Variants in KIAA0930 observed in about 807,000 individuals in gnomAD.
KIAA0930 encodes uncharacterized protein KIAA0930.
A neutral mutation model predicts 43.9 loss-of-function variants in KIAA0930; 24 were observed. That is an observed-to-expected ratio of 0.55 (90% CI 0.40 to 0.77). The LOEUF (loss-of-function observed/expected upper bound fraction) is 0.77, where lower values mean the gene tolerates loss of function less well. KIAA0930 is among the 30% of genes least tolerant of loss of function. KIAA0930 has a pLI of 0.00. For synonymous variants in KIAA0930, 259 were observed against 216.4 expected, an observed-to-expected ratio of 1.20 and a Z score of -1.73; for missense variants, 461 against 574.2, an observed-to-expected ratio of 0.80 and a Z score of 2.02.
intron 5 of KIAA0930, 79 bp from the exon 6 acceptor site, chr22:45,204,064 G>T: frequency 1.3e-6 from 2 of 1,585,736 alleles, no homozygotes; most frequent in South Asian, 2.3e-5. Flanking sequence ...AACTGGCAGG[G>T]AGGGCTGCTC....
In KIAA0930 at chr22:45,205,669, A is replaced by C; in HGVS notation, c.375T>G (p.Ala125=). Residue 125 remains alanine (A), a synonymous_variant, in exon 4 of 10, where the codon GCT becomes GCG. Coordinates refer to ENST00000336156, the MANE Select transcript of KIAA0930 (RefSeq NM_001009880.2). ...TATGGATGTGAATGTCCCCGCCGTCAGCACGTGTGCACACCGCACAGGTCA... is the reference window on the plus strand; with the variant it reads ...TATGGATGTGAATGTCCCCGCCGTCCGCACGTGTGCACACCGCACAGGTCA... ...YMVTCAVCTR[A]DGGDIHIHKK... is the part of the protein sequence containing the mutation. 6.2e-7 allele frequency: 1 copy of C among 1,614,154 alleles called. No homozygotes were observed. Among genetic ancestry groups the C allele is most frequent in the Non-Finnish European group, 8.5e-7 (1 of 1,180,034 alleles).
intron 1 of KIAA0930, among the ~76,000 whole-genome samples, chr22:45,223,782 C>T (rs1051302548): frequency 6.7e-6 from 1 of 150,162 alleles, no homozygotes; most frequent in Non-Finnish European, 1.5e-5. Flanking sequence ...CAGATAAGCA[C>T]CCAGGGTCAG....
At chr22:45,203,244 T>G in intron 6 of KIAA0930, 60 bp from the exon 7 acceptor site, 15 of 1,473,056 alleles carry the variant, frequency 1.0e-5, no homozygotes, top group Non-Finnish European at 1.4e-5. Flanking sequence ...ATGGGGCCCC[T>G]CCCCAGGACA....
chr22:45,193,361 C>T lies in KIAA0930; in HGVS notation c.*3815G>A, dbSNP rs2083506974. On this transcript the variant is annotated 3_prime_UTR_variant, in exon 10 of 10. Coordinates refer to ENST00000336156, the MANE Select transcript of KIAA0930 (RefSeq NM_001009880.2). ...ACAACTTAAAACCACCATATTAGGACATGGTCCAGGCAGTCATTAGAATAT... is the reference window on the plus strand; with the variant it reads ...ACAACTTAAAACCACCATATTAGGATATGGTCCAGGCAGTCATTAGAATAT... The T allele has an allele frequency of 6.6e-6, 1 of 152,196 alleles. No homozygotes were observed. Among genetic ancestry groups the T allele is most frequent in the Admixed American group, 6.5e-5 (1 of 15,280 alleles). 9.4% of individuals were successfully genotyped at this position (152,196 alleles called of 1,614,324 possible).
chr22:45,227,130 C>T (rs560876260), intron 1 of KIAA0930, among the ~76,000 whole-genome samples: 1 of 152,362 alleles, frequency 6.6e-6, no homozygotes, highest in South Asian at 2.1e-4. Context: ...TGCCCAGCAC[C>T]CGGCCCACGG....
At chr22:45,199,590 G>C (rs748264249) in intron 8 of KIAA0930, among the ~76,000 whole-genome samples, 1 of 152,174 alleles carries the variant, frequency 6.6e-6, no homozygotes, top group African/African-American at 2.4e-5. Context: ...CCTTAGAAAG[G>C]TGGGAAATCC....
At chr22:45,205,345 A>G in intron 4 of KIAA0930, 27 bp from the exon 5 acceptor site, 1 of 1,590,940 alleles carries the variant, frequency 6.3e-7, no homozygotes, top group Non-Finnish European at 8.6e-7. Flanking sequence ...TTGGAGGACA[A>G]GTGAGGCCCC....
At chr22:45,201,651 A>G (rs1644281875) in intron 7 of KIAA0930, among the ~76,000 whole-genome samples, 1 of 152,218 alleles carries the variant, frequency 6.6e-6, no homozygotes, top group African/African-American at 2.4e-5. Context: ...TTCCAAAGAC[A>G]AGAGAGGCCC....
rs979693354 is a variant in KIAA0930 at position 45,196,834 on chromosome 22, G to A, written c.*342C>T. ...GGGGGGACGTGAACATAGACCCGCC[G>A]CTCTGGCCCCGCTCTGGGCATCAGC... is the stretch of plus-strand genomic sequence containing the variant. On this transcript the variant is annotated 3_prime_UTR_variant, in exon 10 of 10. Coordinates refer to ENST00000336156, the MANE Select transcript of KIAA0930 (RefSeq NM_001009880.2). This position sits in a 1 kb window ranked among gnomAD's most constrained non-coding sequence, Gnocchi z 4.1. The A allele has an allele frequency of 1.0e-5, 3 of 291,652 alleles. No individual in the cohort carries two copies. The highest frequency in any genetic ancestry group is 1.9e-5 in the Non-Finnish European group (3 of 156,934). The allele number at this position is 291,652 out of a possible 1,614,324, so 18.1% of individuals were successfully genotyped here. A position where few individuals can be genotyped will look rare whatever the true frequency, so the allele number is the denominator to read the frequency against.
intron 2 of KIAA0930, chr22:45,207,697 G>A (rs2083651072): frequency 5.9e-6 from 1 of 170,200 alleles, no homozygotes. Context: ...CACTGACTCG[G>A]GCTCCGAGGG....
intron 1 of KIAA0930, among the ~76,000 whole-genome samples, chr22:45,215,303 C>A (rs1273645083): frequency 2.0e-5 from 3 of 152,112 alleles, no homozygotes; most frequent in African/African-American, 7.2e-5. Context: ...AAACCATATG[C>A]CAATAAAATT....
Position 45,196,665 on chromosome 22 carries a change from TA to T in KIAA0930, c.*510del, listed in dbSNP as rs1290479603. The T allele has an allele frequency of 6.5e-6, 1 of 153,790 alleles. No individual in the cohort carries two copies. The highest frequency in any genetic ancestry group is 2.4e-5 in the African/African-American group (1 of 41,482). The allele number at this position is 153,790 out of a possible 1,614,324, so 9.5% of individuals were successfully genotyped here. A position where few individuals can be genotyped will look rare whatever the true frequency, so the allele number is the denominator to read the frequency against. On this transcript the variant is annotated 3_prime_UTR_variant, in exon 10 of 10. Transcript: ENST00000336156. This position sits in a 1 kb window ranked among gnomAD's most constrained non-coding sequence, Gnocchi z 4.1. ...CCCATCTCCTATTAGAACAAAGTGGTAAACTGGGGAGGATGAGCTGGGACTG... is the reference window on the plus strand; with the variant it reads ...CCCATCTCCTATTAGAACAAAGTGGTAACTGGGGAGGATGAGCTGGGACTG...
chr22:45,219,582 G>GTTT lies in KIAA0930; in HGVS notation c.65-7478_65-7476dup, dbSNP rs535482000. 2.5e-3 allele frequency among the ~76,000 whole-genome samples: 150 copies of GTTT among 61,218 alleles called. 13 individuals carry two copies. The highest frequency in any genetic ancestry group is 7.8e-3 in the African/African-American group (136 of 17,468). The allele number at this position is 61,218 out of a possible 152,430, so 40.2% of individuals were successfully genotyped here. A position where few individuals can be genotyped will look rare whatever the true frequency, so the allele number is the denominator to read the frequency against. Reference sequence around the variant, plus strand: ...TAACACAGCAGGCCAAGAGGTGATTGTTTTTTTTTTTTTTTTTTTTTTTTT... The same window carrying GTTT: ...TAACACAGCAGGCCAAGAGGTGATTGTTTTTTTTTTTTTTTTTTTTTTTTTTTT... On this transcript the variant is annotated intron_variant, in intron 1 of 9. Coordinates refer to ENST00000336156, the MANE Select transcript of KIAA0930 (RefSeq NM_001009880.2).
intron 1 of KIAA0930, among the ~76,000 whole-genome samples, chr22:45,213,949 T>A (rs888231982): frequency 6.6e-6 from 1 of 151,088 alleles, no homozygotes; most frequent in Non-Finnish European, 1.5e-5. Flanking sequence ...GGCAAGAGGT[T>A]GCAGTGAGCC....
At chr22:45,211,313 T>G in intron 2 of KIAA0930, 1 of 398,600 alleles carries the variant, frequency 2.5e-6, no homozygotes. Context: ...CAGCAAAAGC[T>G]TGTGAAAAAC....
intron 1 of KIAA0930, among the ~76,000 whole-genome samples, chr22:45,222,658 C>A (rs899139423): frequency 1.3e-5 from 2 of 151,084 alleles, no homozygotes; most frequent in Admixed American, 6.6e-5. Flanking sequence ...CGCCCCCCCA[C>A]CACCACACAC....
intron 1 of KIAA0930, chr22:45,212,406 A>G: frequency 6.4e-7 from 1 of 1,563,594 alleles, no homozygotes. Context: ...TTCGGAGGAA[A>G]AGGAAAATCC....
chr22:45,238,466 C>G (rs2083899536), intron 1 of KIAA0930, among the ~76,000 whole-genome samples: 1 of 152,164 alleles, frequency 6.6e-6, no homozygotes, highest in Non-Finnish European at 1.5e-5. Flanking sequence ...TCCTGATTGT[C>G]CCAACAAACA....
At chr22:45,221,996 A>C (rs55802311) in intron 1 of KIAA0930, among the ~76,000 whole-genome samples, 17,668 of 152,212 alleles carry the variant, frequency 0.12, 1,091 homozygotes, top group East Asian at 0.19. Flanking sequence ...GGCCTCCCAA[A>C]GTGCTGGGAT....
Sources: gnomAD v4.1 joint callset for allele counts (sites outside exome capture counted in the v4.1 genomes callset) on GRCh38, gnomAD v4.1.1 for gene constraint, Gnocchi (gnomAD v3.1) non-coding constraint, MANE v1.5 for transcripts, NCBI Gene and HGNC (gene_info 2026-07-23, HGNC 2026-07-21) for gene names.